Variants in VAV3 observed in about 807,000 individuals in gnomAD.
The protein encoded by VAV3 is guanine nucleotide exchange factor VAV3.
A neutral mutation model predicts 131.2 loss-of-function variants in VAV3; 94 were observed. That is an observed-to-expected ratio of 0.72 (90% confidence interval 0.61 to 0.85). The LOEUF (loss-of-function observed/expected upper bound fraction) is 0.85. Ranked by LOEUF, VAV3 falls within the 40% of genes least tolerant of loss-of-function variation. The pLI is 0.00. For missense variants in VAV3, 939 were observed against 1,002.7 expected, an observed-to-expected ratio of 0.94 and a Z score of 0.86; for synonymous variants, 349 against 342.0, an observed-to-expected ratio of 1.02 and a Z score of -0.22.
At chr1:107,775,759 G>C (rs1206652880) in intron 4 of VAV3, among the ~76,000 whole-genome samples, 1 of 152,034 alleles carries the variant, frequency 6.6e-6, no homozygotes, top group Non-Finnish European at 1.5e-5. Flanking sequence ...GATTTTAAGA[G>C]ATAAGAAACT....
chr1:107,851,612 T>C (rs1669236548), intron 2 of VAV3, among the ~76,000 whole-genome samples: 1 of 152,030 alleles, frequency 6.6e-6, no homozygotes, highest in Non-Finnish European at 1.5e-5. Context: ...ACACAGGAAG[T>C]CAAAGGGAAA....
At chr1:107,707,663 T>C (rs1189011580) in intron 15 of VAV3, among the ~76,000 whole-genome samples, 1 of 152,204 alleles carries the variant, frequency 6.6e-6, no homozygotes, top group Admixed American at 6.5e-5. Flanking sequence ...GGAATCCATA[T>C]GTAATTATTG....
At chr1:107,840,770 A>T (rs1207955147) in intron 2 of VAV3, among the ~76,000 whole-genome samples, 1 of 152,200 alleles carries the variant, frequency 6.6e-6, no homozygotes, top group Non-Finnish European at 1.5e-5. Flanking sequence ...AAAGCATTTT[A>T]AAAATAAAAG....
intron 2 of VAV3, among the ~76,000 whole-genome samples, chr1:107,844,274 G>T (rs1402201845): frequency 6.6e-6 from 1 of 152,014 alleles, no homozygotes; most frequent in African/African-American, 2.4e-5. Context: ...CACGAGGGAC[G>T]GTGCTATCCG....
Position 107,599,711 on chromosome 1 carries a change from T to G in VAV3, c.2220+2686A>C, listed in dbSNP as rs533009941. ...AACCACCTAAGGCCAATCTTCTCAC[T>G]GAGAAACCAGTTAATTTAAAAGAAG... is the stretch of plus-strand genomic sequence containing the variant. On this transcript the variant is annotated intron_variant, in intron 24 of 26. Coordinates refer to ENST00000370056, the MANE Select transcript of VAV3 (RefSeq NM_006113.5). 2.6e-5 allele frequency among the ~76,000 whole-genome samples: 4 copies of G among 151,994 alleles called. No individual in the cohort carries two copies. In the South Asian group the frequency reaches 8.3e-4, roughly 32 times the overall value.
In VAV3 at chr1:107,812,450, G is replaced by T. The variant is rs74461618; in HGVS notation, c.322-32958C>A. ...TTTATTTATTATCATTTTTTAAGCT[G>T]ATTTCCAAAGAATAGGAATAGTGGA... On this transcript the variant is annotated intron_variant, in intron 2 of 26. Transcript: ENST00000370056. Among the ~76,000 whole-genome samples, 259 of 151,990 alleles carry T rather than the reference G, an allele frequency of 1.7e-3. 4 individuals are homozygous for T. In the East Asian group the frequency reaches 0.047, roughly 27 times the overall value.
intron 2 of VAV3, among the ~76,000 whole-genome samples, chr1:107,794,159 T>C (rs1666431712): frequency 6.6e-6 from 1 of 152,224 alleles, no homozygotes; most frequent in African/African-American, 2.4e-5. Flanking sequence ...AAGATCCATG[T>C]GAGTAGGACA....
intron 3 of VAV3, among the ~76,000 whole-genome samples, chr1:107,779,232 G>A (rs1381102793): frequency 6.6e-6 from 1 of 150,742 alleles, no homozygotes; most frequent in Non-Finnish European, 1.5e-5. Flanking sequence ...ACAATGTTTA[G>A]CCAATGTGTT....
chr1:107,749,119 T>C (rs1354079707), intron 14 of VAV3, 42 bp from the exon 15 acceptor site: 1 of 1,359,546 alleles, frequency 7.4e-7, no homozygotes, highest in Non-Finnish European at 1.0e-6. Context: ...GTATCATTAA[T>C]AACATGTTTC....
chr1:107,596,415 T>C (rs1017816946), intron 24 of VAV3, 74 bp from the exon 25 acceptor site: 3 of 1,521,084 alleles, frequency 2.0e-6, no homozygotes, highest in African/African-American at 1.4e-5. Flanking sequence ...CCTGAGCACA[T>C]AAATACAATA....
chr1:107,779,560 T>G, intron 2 of VAV3, 68 bp from the exon 3 acceptor site: 3 of 1,320,534 alleles, frequency 2.3e-6, no homozygotes, highest in East Asian at 2.8e-5. Context: ...TTTCCAAAAT[T>G]TTTTCAATCT....
At position 107,718,490 on chromosome 1, in the gene VAV3, C is replaced by T. The variant is rs577404793; in HGVS notation, c.1503-13429G>A. ...AAAGAGAATAAAATACCTAGGAATC[C>T]AACTTACAAGGGATGTGAAGGATGT... is the stretch of plus-strand genomic sequence containing the variant. On this transcript the variant is annotated intron_variant, in intron 15 of 26. Coordinates refer to ENST00000370056, the MANE Select transcript of VAV3 (RefSeq NM_006113.5). 2.6e-5 allele frequency among the ~76,000 whole-genome samples: 4 copies of T among 152,214 alleles called. No individual in the cohort carries two copies. The South Asian group carries it at 6.2e-4, about 24-fold the overall frequency.
chr1:107,957,665 T>C (rs75954076), intron 1 of VAV3, among the ~76,000 whole-genome samples: 5,216 of 151,810 alleles, frequency 0.034, 124 homozygotes, highest in South Asian at 0.13. Flanking sequence ...GAAGGAATAA[T>C]AAGAGGTACA....
At chr1:107,780,621 T>C (rs1665634332) in intron 2 of VAV3, among the ~76,000 whole-genome samples, 1 of 152,180 alleles carries the variant, frequency 6.6e-6, no homozygotes, top group South Asian at 2.1e-4. Context: ...GTTCAAGTGA[T>C]TGTCATGCCT....
At chr1:107,735,685 T>C (rs1034558937) in intron 15 of VAV3, among the ~76,000 whole-genome samples, 2 of 152,178 alleles carry the variant, frequency 1.3e-5, no homozygotes, top group African/African-American at 2.4e-5. Context: ...AATAGACCAA[T>C]AACAGGCTCT....
chr1:107,594,664 T>C (rs1292708562), intron 25 of VAV3, among the ~76,000 whole-genome samples: 1 of 152,152 alleles, frequency 6.6e-6, no homozygotes, highest in African/African-American at 2.4e-5. Context: ...TCATTAAACA[T>C]GAGACATAAT....
chr1:107,684,306 T>C (rs1658865951), intron 18 of VAV3, among the ~76,000 whole-genome samples: 1 of 152,252 alleles, frequency 6.6e-6, no homozygotes, highest in African/African-American at 2.4e-5. Flanking sequence ...TTCTTTATTA[T>C]GCAACTGGAT....
chr1:107,652,956 T>C (rs1656288622), intron 19 of VAV3, among the ~76,000 whole-genome samples: 1 of 152,004 alleles, frequency 6.6e-6, no homozygotes, highest in African/African-American at 2.4e-5. Context: ...ACTTGCATCA[T>C]TTATGTTAAA....
chr1:107,760,729 A>C, intron 10 of VAV3, 55 bp downstream of exon 10: 2 of 1,374,132 alleles, frequency 1.5e-6, no homozygotes, highest in Non-Finnish European at 2.1e-6. Context: ...ATGCTTCATT[A>C]ATATTTTGTT....
Sources: gnomAD v4.1 joint callset for allele counts (sites outside exome capture counted in the v4.1 genomes callset) on GRCh38, gnomAD v4.1.1 for gene constraint, MANE v1.5 for transcripts, NCBI Gene and HGNC (gene_info 2026-07-23, HGNC 2026-07-21) for gene names.